Variants in PSAP observed in about 807,000 individuals in gnomAD.
The protein encoded by PSAP is prosaposin, also known as precursor of saposins.
A neutral mutation model predicts 66.0 loss-of-function variants in PSAP; 25 were observed. The observed-to-expected ratio is 0.38, with a 90% confidence interval of 0.28 to 0.53. The LOEUF is 0.53. Among genes scored for constraint, PSAP ranks in the 20% least tolerant of loss-of-function variants. The probability of loss-of-function intolerance (pLI) is 0.83; values close to 1 mark genes in which losing one functional copy is unlikely to be tolerated. For missense variants in PSAP, 649 were observed against 668.8 expected (o/e 0.97, Z 0.33); for synonymous variants, 273 against 258.9 (o/e 1.05, Z -0.52).
chr10:71,818,505 A>G (rs1303975154), intron 13 of PSAP, 112 bp downstream of exon 13: 16 of 974,910 alleles, frequency 1.6e-5, no homozygotes, highest in Non-Finnish European at 2.5e-5. Context: ...GCTTTCTGAT[A>G]ACATAAAAGC....
intron 7 of PSAP, chr10:71,823,741 C>A (rs1453592478): frequency 3.9e-6 from 2 of 516,056 alleles, no homozygotes; most frequent in African/African-American, 2.0e-5. Context: ...GAAGCCCTCC[C>A]CAGCCTATTA....
intron 7 of PSAP, among the ~76,000 whole-genome samples, chr10:71,825,109 T>A (rs1021212361): frequency 1.3e-5 from 2 of 152,122 alleles, no homozygotes; most frequent in Non-Finnish European, 2.9e-5. Flanking sequence ...AAATACCCTT[T>A]AAGTACAAAA....
At chr10:71,836,812 C>T (rs1842636094) in intron 1 of PSAP, among the ~76,000 whole-genome samples, 1 of 152,246 alleles carries the variant, frequency 6.6e-6, no homozygotes, top group African/African-American at 2.4e-5. Flanking sequence ...ACACAACACA[C>T]TCTCACAGGC....
At chr10:71,838,314 G>A (rs1842666105) in intron 1 of PSAP, among the ~76,000 whole-genome samples, 2 of 152,246 alleles carry the variant, frequency 1.3e-5, no homozygotes, top group Admixed American at 1.3e-4. Context: ...GGAGAGACAC[G>A]CCCATGAGCA....
intron 1 of PSAP, among the ~76,000 whole-genome samples, chr10:71,848,675 G>C (rs1407267103): frequency 6.6e-6 from 1 of 152,240 alleles, no homozygotes; most frequent in African/African-American, 2.4e-5. Flanking sequence ...GTGTCACGAA[G>C]AAAGTTCTAA....
chr10:71,839,061 C>A (rs750585956), intron 1 of PSAP, among the ~76,000 whole-genome samples: 1 of 152,196 alleles, frequency 6.6e-6, no homozygotes, highest in South Asian at 2.1e-4. Flanking sequence ...CACCCTACCC[C>A]CAAATACCAG....
chr10:71,841,885 G>A (rs2133063061), intron 1 of PSAP, among the ~76,000 whole-genome samples: 1 of 151,920 alleles, frequency 6.6e-6, no homozygotes, highest in Non-Finnish European at 1.5e-5. Flanking sequence ...ACACACCTGT[G>A]GTCCCAGCTA....
At chr10:71,846,679 C>T (rs1280770293) in intron 1 of PSAP, among the ~76,000 whole-genome samples, 1 of 135,314 alleles carries the variant, frequency 7.4e-6, no homozygotes, top group Non-Finnish European at 1.5e-5. Context: ...TTGCAGTGAG[C>T]TGAGATGGTG....
At chr10:71,827,323 C>T (rs1478426171) in intron 6 of PSAP, among the ~76,000 whole-genome samples, 2 of 150,390 alleles carry the variant, frequency 1.3e-5, no homozygotes, top group African/African-American at 2.4e-5. Context: ...GGCGTGAACC[C>T]GGGAGGCGGA....
intron 1 of PSAP, among the ~76,000 whole-genome samples, chr10:71,839,285 G>T (rs1716199123): frequency 6.6e-6 from 1 of 152,052 alleles, no homozygotes; most frequent in African/African-American, 2.4e-5. Context: ...TGTCGCCCAG[G>T]CTGGAGTGCA....
chr10:71,846,162 T>C (rs935560166), intron 1 of PSAP, among the ~76,000 whole-genome samples: 5 of 152,056 alleles, frequency 3.3e-5, no homozygotes, highest in Non-Finnish European at 7.3e-5. Context: ...CCCAGTGAAA[T>C]AGATGAGTAA....
At position 71,844,333 on chromosome 10, in the gene PSAP, G is replaced by GA. The variant is rs375966283; in HGVS notation, c.40+6848dup. ...ATTTTTACAGAAGCAGGCTGTAATAGAAAAAACTAGAAATTATCTAAATGT... is the reference window on the plus strand; with the variant it reads ...ATTTTTACAGAAGCAGGCTGTAATAGAAAAAAACTAGAAATTATCTAAATGT... On this transcript the variant is annotated intron_variant, in intron 1 of 13. Coordinates refer to ENST00000394936, the MANE Select transcript of PSAP (RefSeq NM_002778.4). Among the ~76,000 whole-genome samples the GA allele has an allele frequency of 5.6e-4, 86 of 152,284 alleles. 2 individuals are homozygous for GA. Among genetic ancestry groups the GA allele is most frequent in the Middle Eastern group, 3.4e-3 (1 of 294 alleles).
intron 5 of PSAP, 70 bp downstream of exon 5, chr10:71,828,807 T>C (rs1421195334): frequency 6.4e-7 from 1 of 1,561,592 alleles, no homozygotes; most frequent in Non-Finnish European, 8.8e-7. Context: ...ACGTGCCCTC[T>C]CTGTCCCTTT....
Position 71,817,375 on chromosome 10 carries a change from C to T in PSAP, c.*66G>A, listed in dbSNP as rs2133025510. The T allele has an allele frequency of 6.6e-7, 1 of 1,512,516 alleles. No homozygotes were observed. The highest frequency in any genetic ancestry group is 9.2e-7 in the Non-Finnish European group (1 of 1,087,484). The allele number at this position is 1,512,516 out of a possible 1,614,324, so 93.7% of individuals were successfully genotyped here. A position where few individuals can be genotyped will look rare whatever the true frequency, so the allele number is the denominator to read the frequency against. The stretch of plus-strand genomic sequence containing the variant: ...AGTCAAACAGATCTGTGCGTTCATT[C>T]CCCCAGACACACAAGTAGAAAAAAA... On this transcript the variant is annotated 3_prime_UTR_variant, in exon 14 of 14. Coordinates refer to ENST00000394936, the MANE Select transcript of PSAP (RefSeq NM_002778.4).
At chr10:71,842,652 C>A (rs1200156489) in intron 1 of PSAP, among the ~76,000 whole-genome samples, 1 of 152,104 alleles carries the variant, frequency 6.6e-6, no homozygotes, top group Non-Finnish European at 1.5e-5. Context: ...TTCAGATTTA[C>A]CTCAAATCAG....
At position 71,819,059 on chromosome 10, in the gene PSAP, T is replaced by A. The variant is rs1489281599; in HGVS notation, c.1403A>T (p.Glu468Val). Residue 468 changes from glutamate (E) to valine (V), a missense_variant, in exon 12 of 14, where the codon GAG (glutamate) becomes GTG (valine). Coordinates refer to ENST00000394936, the MANE Select transcript of PSAP (RefSeq NM_002778.4). ...GCACACGAAGGAAGGATCCATCACC[T>A]CCACCAGGATCTCGATCAGCACGGG... ...YEPVLIEILV[E>V]VMDPSFVCLK... 1 of 1,613,966 alleles carries A rather than the reference T, an allele frequency of 6.2e-7. No individual in the cohort carries two copies. Among genetic ancestry groups the A allele is most frequent in the Non-Finnish European group, 8.5e-7 (1 of 1,180,004 alleles).
intron 1 of PSAP, among the ~76,000 whole-genome samples, chr10:71,848,813 C>T (rs754548243): frequency 2.2e-4 from 34 of 152,148 alleles, no homozygotes; most frequent in Non-Finnish European, 3.2e-4. Flanking sequence ...GCTGTGAAGG[C>T]CAGGGAGCAT....
intron 8 of PSAP, among the ~76,000 whole-genome samples, chr10:71,821,421 G>T (rs1842298283): frequency 6.6e-6 from 1 of 152,174 alleles, no homozygotes; most frequent in African/African-American, 2.4e-5. Flanking sequence ...ACCAAGTGAG[G>T]TGTTTTAGTT....
intron 13 of PSAP, 139 bp from the exon 14 acceptor site, chr10:71,817,615 C>T (rs1659305565): frequency 1.2e-6 from 1 of 833,258 alleles, no homozygotes; most frequent in South Asian, 1.4e-5. Flanking sequence ...TGCTGAAGAC[C>T]CAGGACAGGA....
Sources: gnomAD v4.1 joint callset for allele counts (sites outside exome capture counted in the v4.1 genomes callset) on GRCh38, gnomAD v4.1.1 for gene constraint, MANE v1.5 for transcripts, NCBI Gene and HGNC (gene_info 2026-07-23, HGNC 2026-07-21) for gene names.